Variants in CATSPER3 observed in about 807,000 individuals in gnomAD.
The protein encoded by CATSPER3 is cation channel sperm-associated protein 3.
In CATSPER3, 23 loss-of-function variants were observed where a neutral mutation model predicts 36.6. That is an observed-to-expected ratio of 0.63 (90% CI 0.45 to 0.89). The LOEUF (loss-of-function observed/expected upper bound fraction) is 0.89, where lower values mean the gene tolerates loss of function less well. CATSPER3 is among the 40% of genes least tolerant of loss of function. The pLI, the probability that CATSPER3 is intolerant of heterozygous loss-of-function variation, is 0.00. For synonymous variants in CATSPER3, 172 were observed against 184.1 expected, an observed-to-expected ratio of 0.93 and a Z score of 0.53; for missense variants, 474 against 503.9, an observed-to-expected ratio of 0.94 and a Z score of 0.57.
chr5:134,999,047 G>A (rs10900830), intron 3 of CATSPER3, among the ~76,000 whole-genome samples: 10,135 of 152,220 alleles, frequency 0.067, 530 homozygotes, highest in Middle Eastern at 0.15. Context: ...ATGGTTTTAG[G>A]TCTAGCATTT....
chr5:134,977,235 T>G (rs1751685097), intron 2 of CATSPER3, among the ~76,000 whole-genome samples: 1 of 152,240 alleles, frequency 6.6e-6, no homozygotes, highest in South Asian at 2.1e-4. Flanking sequence ...ACTTTTATAC[T>G]GTGCTTCCCT....
At position 134,970,304 on chromosome 5, in the gene CATSPER3, G is replaced by A. The variant is rs547171009; in HGVS notation, c.252+212G>A. Reference sequence around the variant, plus strand: ...AGCCTCCTGAATAGCTGGGATTATAGGCACCCGCCACCACGCCCAGCTAAT... The same window carrying A: ...AGCCTCCTGAATAGCTGGGATTATAAGCACCCGCCACCACGCCCAGCTAAT... On this transcript the variant is annotated intron_variant, in intron 2 of 7. Coordinates refer to ENST00000282611, the MANE Select transcript of CATSPER3 (RefSeq NM_178019.3). Among the ~76,000 whole-genome samples the A allele has an allele frequency of 4.6e-5, 7 of 152,124 alleles. No individual in the cohort carries two copies. In the East Asian group the frequency reaches 1.2e-3, roughly 25 times the overall value.
intron 2 of CATSPER3, among the ~76,000 whole-genome samples, chr5:134,978,119 G>C (rs74814944): frequency 6.6e-6 from 1 of 152,178 alleles, no homozygotes; most frequent in Non-Finnish European, 1.5e-5. Flanking sequence ...CATCCAAACC[G>C]TATTATGTCA....
At chr5:134,983,177 T>C (rs1351158019) in intron 2 of CATSPER3, among the ~76,000 whole-genome samples, 2 of 151,984 alleles carry the variant, frequency 1.3e-5, no homozygotes, top group Non-Finnish European at 2.9e-5. Flanking sequence ...AGAAAACAAA[T>C]AGCAAAACAG....
intron 3 of CATSPER3, among the ~76,000 whole-genome samples, chr5:135,003,223 G>T (rs1175474244): frequency 1.3e-5 from 2 of 152,230 alleles, no homozygotes; most frequent in African/African-American, 4.8e-5. Flanking sequence ...GTCCACTCCA[G>T]ACCCTGTTTG....
Position 134,969,267 on chromosome 5 carries a change from T to C in CATSPER3, c.99-672T>C, listed in dbSNP as rs192023642. The C allele has an allele frequency of 3.9e-5, 6 of 152,606 alleles. No individual in the cohort carries two copies. The East Asian group carries it at 1.2e-3, about 29-fold the overall frequency. The allele number at this position is 152,606 out of a possible 1,614,324, so 9.5% of individuals were successfully genotyped here. ...TTCTCAGGCTTTTCAAAAGAGCTGGTCAGTTTTTATGCCTCTGGCAGTTTT... is the reference window on the plus strand; with the variant it reads ...TTCTCAGGCTTTTCAAAAGAGCTGGCCAGTTTTTATGCCTCTGGCAGTTTT... On this transcript the variant is annotated intron_variant, in intron 1 of 7. Transcript: ENST00000282611.
At chr5:134,992,848 G>C (rs758369392) in intron 2 of CATSPER3, among the ~76,000 whole-genome samples, 1 of 152,210 alleles carries the variant, frequency 6.6e-6, no homozygotes, top group Non-Finnish European at 1.5e-5. Flanking sequence ...CAGTTTGGCA[G>C]TTCCTAAGAA....
intron 2 of CATSPER3, among the ~76,000 whole-genome samples, chr5:134,970,802 C>T (rs1044656753): frequency 2.6e-5 from 4 of 152,140 alleles, no homozygotes; most frequent in African/African-American, 9.6e-5. Context: ...GAACTCCTGA[C>T]CTCAAGTGAG....
intron 3 of CATSPER3, among the ~76,000 whole-genome samples, chr5:135,003,124 G>C (rs1482973487): frequency 6.6e-6 from 1 of 152,256 alleles, no homozygotes; most frequent in South Asian, 2.1e-4. Flanking sequence ...CTTACAGATG[G>C]GGTTTTGGTG....
intron 7 of CATSPER3, among the ~76,000 whole-genome samples, 160 bp from the exon 8 acceptor site, chr5:135,011,361 G>A: frequency 6.6e-6 from 1 of 152,232 alleles, no homozygotes; most frequent in East Asian, 1.9e-4. Context: ...CAGGCAGAGT[G>A]GCAGATCCAA....
chr5:134,996,045 C>T (rs1370494748), intron 2 of CATSPER3, among the ~76,000 whole-genome samples: 2 of 152,188 alleles, frequency 1.3e-5, no homozygotes, highest in Non-Finnish European at 2.9e-5. Context: ...TCCCAAGTAC[C>T]CAGGGTCAGA....
chr5:134,996,194 G>A, intron 2 of CATSPER3, 79 bp from the exon 3 acceptor site: 1 of 1,593,624 alleles, frequency 6.3e-7, no homozygotes, highest in Non-Finnish European at 8.6e-7. Flanking sequence ...ACCCCTTCCG[G>A]GGCTCACGCA....
chr5:134,972,094 C>CT (rs1454209061), intron 2 of CATSPER3, among the ~76,000 whole-genome samples: 1 of 152,180 alleles, frequency 6.6e-6, no homozygotes, highest in Non-Finnish European at 1.5e-5. Flanking sequence ...GAATAATCCC[C>CT]TTATACAGGC....
rs150577653 is a variant in CATSPER3, at chr5:135,003,272, T to G, written c.493-4685T>G. Among the ~76,000 whole-genome samples the G allele has an allele frequency of 3.6e-3, 553 of 152,326 alleles. 3 individuals carry two copies. The highest frequency in any genetic ancestry group is 0.013 in the African/African-American group (526 of 41,580). On this transcript the variant is annotated intron_variant, in intron 3 of 7. Coordinates refer to ENST00000282611, the MANE Select transcript of CATSPER3 (RefSeq NM_178019.3). ...AGTGGAGGCTGCAAAACAGCGAATATTGCATAACAGCAAAGGTTGCTGCCT... is the reference window on the plus strand; with the variant it reads ...AGTGGAGGCTGCAAAACAGCGAATAGTGCATAACAGCAAAGGTTGCTGCCT...
chr5:134,984,631 G>C (rs1311587602), intron 2 of CATSPER3, among the ~76,000 whole-genome samples: 2 of 152,156 alleles, frequency 1.3e-5, no homozygotes, highest in Non-Finnish European at 2.9e-5. Context: ...ATAGATGTTG[G>C]TGTGGTTGTG....
At chr5:134,986,953 C>G (rs959821511) in intron 2 of CATSPER3, among the ~76,000 whole-genome samples, 14 of 151,792 alleles carry the variant, frequency 9.2e-5, no homozygotes, top group Admixed American at 6.6e-4. Context: ...AACTTTATGC[C>G]TTAAGGAACG....
chr5:134,981,917 G>A (rs1240421432), intron 2 of CATSPER3, among the ~76,000 whole-genome samples: 1 of 152,128 alleles, frequency 6.6e-6, no homozygotes, highest in Non-Finnish European at 1.5e-5. Context: ...ATCACTTGAG[G>A]TCAGGAGTTG....
chr5:135,006,915 T>C (rs1248679831), intron 3 of CATSPER3, among the ~76,000 whole-genome samples: 1 of 152,142 alleles, frequency 6.6e-6, no homozygotes, highest in East Asian at 1.9e-4. Flanking sequence ...TTTATTTTCT[T>C]TTCCCAAGGA....
chr5:135,001,444 A>C (rs973897575), intron 3 of CATSPER3, among the ~76,000 whole-genome samples: 1 of 152,220 alleles, frequency 6.6e-6, no homozygotes, highest in Non-Finnish European at 1.5e-5. Flanking sequence ...AGTTCTATAG[A>C]TGTCTATTAG....
Sources: allele counts gnomAD v4.1 joint callset (sites outside exome capture counted in the v4.1 genomes callset), GRCh38; gene constraint gnomAD v4.1.1; transcripts MANE v1.5; gene names NCBI Gene and HGNC (gene_info 2026-07-23, HGNC 2026-07-21).